The following EEF1AKMT2 variants were observed in gnomAD, a reference collection of about 807,000 sequenced individuals.
EEF1AKMT2 encodes eukaryotic translation elongation factor 1 alpha lysine methyltransferase 2.
Under a neutral mutation model 35.8 loss-of-function variants are expected in EEF1AKMT2, and 32 were observed. That is an observed-to-expected ratio of 0.89 (90% CI 0.67 to 1.20). EEF1AKMT2 has a LOEUF of 1.20. Among genes scored for constraint, EEF1AKMT2 ranks in the 50% most tolerant of loss-of-function variants. EEF1AKMT2 has a pLI of 0.00. For missense variants in EEF1AKMT2, 330 were observed against 347.5 expected, an observed-to-expected ratio of 0.95 and a Z score of 0.40; for synonymous variants, 121 against 133.7, an observed-to-expected ratio of 0.91 and a Z score of 0.65.
chr10:124,788,573 C>T (rs1750457392), intron 3 of EEF1AKMT2, among the ~76,000 whole-genome samples: 3 of 151,658 alleles, frequency 2.0e-5, no homozygotes, highest in African/African-American at 7.3e-5. Context: ...ACACTGCAGG[C>T]ATACAACAGT....
At chr10:124,769,091 G>T (rs1417790462) in intron 4 of EEF1AKMT2, among the ~76,000 whole-genome samples, 1 of 149,974 alleles carries the variant, frequency 6.7e-6, no homozygotes, top group Non-Finnish European at 1.5e-5. Context: ...GGTGAAGCAG[G>T]CCTGTAGTCC....
rs750436975 is a variant in EEF1AKMT2, at chr10:124,774,666, AAT to A, written c.399+7_399+8del. The A allele has an allele frequency of 1.7e-5, 22 of 1,298,522 alleles. No individual in the cohort carries two copies. Among genetic ancestry groups the A allele is most frequent in the African/African-American group, 4.7e-5 (3 of 64,126 alleles). 80.4% of individuals were successfully genotyped at this position (1,298,522 alleles called of 1,614,324 possible). A position where few individuals can be genotyped will look rare whatever the true frequency, so the allele number is the denominator to read the frequency against. ...TTGTAAATATTATAGTAATATAAAT[AAT>A]AGTTACCTTTAACTTAATGTTAGAT... On this transcript the variant is annotated splice_region_variant and intron_variant, in intron 4 of 6. Coordinates refer to ENST00000368836, the MANE Select transcript of EEF1AKMT2 (RefSeq NM_212554.4).
intron 3 of EEF1AKMT2, 56 bp from the exon 4 acceptor site, chr10:124,774,838 A>T (rs941160083): frequency 1.2e-6 from 1 of 822,274 alleles, no homozygotes; most frequent in African/African-American, 1.8e-5. Flanking sequence ...TGTTTTGTTT[A>T]TGAATTATAA....
intron 1 of EEF1AKMT2, among the ~76,000 whole-genome samples, chr10:124,791,351 G>A (rs946192367): frequency 7.2e-5 from 11 of 151,798 alleles, no homozygotes; most frequent in Middle Eastern, 3.4e-3. Flanking sequence ...CGGCTCCCAG[G>A]CCCAGCACTT....
At position 124,791,808 on chromosome 10, in the gene EEF1AKMT2, C is replaced by T. The variant is rs901670746; in HGVS notation, c.26G>A (p.Gly9Asp). ...CGACCGCGCCGCCACCGCAGCGCCA[C>T]CGCCGCCGTCAGCGCCCGAGCTCAT... MSSGADGG[G>D]GAAVAARSDK... The change falls in exon 1 of 7, where the codon GGT becomes GAT. Residue 9 changes from glycine to aspartate, a missense_variant. Coordinates refer to ENST00000368836, the MANE Select transcript of EEF1AKMT2 (RefSeq NM_212554.4). 6 of 1,586,742 alleles carry T rather than the reference C, an allele frequency of 3.8e-6. No homozygotes were observed. Among genetic ancestry groups the T allele is most frequent in the Non-Finnish European group, 5.1e-6 (6 of 1,172,006 alleles).
At chr10:124,783,541 A>T (rs1394014241) in intron 3 of EEF1AKMT2, among the ~76,000 whole-genome samples, 1 of 152,222 alleles carries the variant, frequency 6.6e-6, no homozygotes, top group African/African-American at 2.4e-5. Context: ...TTAAAAGGTT[A>T]AACTTACCGA....
chr10:124,773,773 A>G (rs970341101), intron 4 of EEF1AKMT2, among the ~76,000 whole-genome samples: 3 of 152,240 alleles, frequency 2.0e-5, no homozygotes, highest in African/African-American at 7.2e-5. Context: ...AATAATGAAA[A>G]GCTCTGAAAT....
chr10:124,790,399 G>A (rs1257133190), intron 1 of EEF1AKMT2, 61 bp from the exon 2 acceptor site: 8 of 1,202,832 alleles, frequency 6.7e-6, no homozygotes, highest in African/African-American at 3.0e-5. Flanking sequence ...TGAATTAAAT[G>A]TATGTTTCTA....
rs1950613317 is a variant in EEF1AKMT2, at chr10:124,789,143, C to T, written c.191G>A (p.Ser64Asn). The T allele has an allele frequency of 1.2e-6, 2 of 1,611,466 alleles. No individual in the cohort carries two copies. The highest frequency in any genetic ancestry group is 1.7e-6 in the Non-Finnish European group (2 of 1,178,152). The stretch of plus-strand genomic sequence containing the variant: ...CATCCACCTTATTAGTCGATTCATA[C>T]TCTCTTCTCCAAACCTGTTAGAGAG... ...DTGEIWFGEE[S>N]MNRLIRWMQK... The change falls in exon 3 of 7, where the codon AGT (serine) becomes AAT (asparagine). Residue 64 changes from serine (S) to asparagine (N), a missense_variant. By Grantham distance (46) the Ser-to-Asn change is conservative (BLOSUM62 1). Coordinates refer to ENST00000368836, the MANE Select transcript of EEF1AKMT2 (RefSeq NM_212554.4).
At chr10:124,788,583 T>C (rs1480856548) in intron 3 of EEF1AKMT2, among the ~76,000 whole-genome samples, 1 of 151,690 alleles carries the variant, frequency 6.6e-6, no homozygotes, top group Non-Finnish European at 1.5e-5. Context: ...CATACAACAG[T>C]GATGGTTTAG....
intron 2 of EEF1AKMT2, among the ~76,000 whole-genome samples, chr10:124,789,632 A>G (rs1016666710): frequency 3.9e-5 from 6 of 151,930 alleles, no homozygotes; most frequent in Non-Finnish European, 8.8e-5. Context: ...GCATGCAGCT[A>G]TAGTCCCAGC....
intron 4 of EEF1AKMT2, 55 bp from the exon 5 acceptor site, chr10:124,765,663 A>C: frequency 5.3e-6 from 7 of 1,332,338 alleles, no homozygotes; most frequent in Non-Finnish European, 7.4e-6. Flanking sequence ...TCCTTACAGA[A>C]TGTAAGTGAC....
chr10:124,764,186 C>T (rs1950357399), intron 5 of EEF1AKMT2, among the ~76,000 whole-genome samples: 1 of 151,926 alleles, frequency 6.6e-6, no homozygotes, highest in Admixed American at 6.5e-5. Context: ...TGAGGTAATT[C>T]ACTTTCCATT....
intron 4 of EEF1AKMT2, among the ~76,000 whole-genome samples, chr10:124,768,412 C>T (rs554192253): frequency 2.0e-4 from 30 of 152,164 alleles, no homozygotes; most frequent in Non-Finnish European, 3.8e-4. Flanking sequence ...AGTTTGAGAC[C>T]AGCCTGACCA....
intron 3 of EEF1AKMT2, among the ~76,000 whole-genome samples, chr10:124,788,419 A>G (rs1463418423): frequency 6.6e-6 from 1 of 152,094 alleles, no homozygotes; most frequent in Non-Finnish European, 1.5e-5. Flanking sequence ...CCTGTTGCCA[A>G]TGCCAAACAT....
intron 3 of EEF1AKMT2, among the ~76,000 whole-genome samples, chr10:124,786,331 C>T (rs1292358982): frequency 1.3e-5 from 2 of 151,768 alleles, no homozygotes; most frequent in Non-Finnish European, 2.9e-5. Context: ...ACAGTGAAAC[C>T]CCGTCTCTAC....
rs1021506011 is a variant in EEF1AKMT2 at position 124,758,995 on chromosome 10, C to T, written c.*1508G>A. 6.6e-6 allele frequency: 1 copy of T among 152,124 alleles called. No homozygotes were observed. Among genetic ancestry groups the T allele is most frequent in the Admixed American group, 6.6e-5 (1 of 15,262 alleles). The allele number at this position is 152,124 out of a possible 1,614,324, so 9.4% of individuals were successfully genotyped here. A position where few individuals can be genotyped will look rare whatever the true frequency, so the allele number is the denominator to read the frequency against. On this transcript the variant is annotated 3_prime_UTR_variant, in exon 7 of 7. Transcript: ENST00000368836. ...AATGTTGATCTAAATGAAAAACTCA[C>T]TCCTCTGGCTACCCCTCCCCAAAAA...
intron 4 of EEF1AKMT2, among the ~76,000 whole-genome samples, chr10:124,773,279 C>T (rs1274869532): frequency 6.6e-6 from 1 of 152,070 alleles, no homozygotes; most frequent in African/African-American, 2.4e-5. Flanking sequence ...CTCACTGCAA[C>T]CTCCACCTTC....
At chr10:124,790,041 G>A (rs1161906901) in intron 2 of EEF1AKMT2, among the ~76,000 whole-genome samples, 2 of 151,956 alleles carry the variant, frequency 1.3e-5, no homozygotes, top group African/African-American at 2.4e-5. Flanking sequence ...ACAGGCGCGC[G>A]CCACCATGCC....
Sources: allele counts gnomAD v4.1 joint callset (sites outside exome capture counted in the v4.1 genomes callset), GRCh38; gene constraint gnomAD v4.1.1; transcripts MANE v1.5; gene names NCBI Gene and HGNC (gene_info 2026-07-23, HGNC 2026-07-21).